FRMD4B: variants seen among roughly 807,000 people sequenced by gnomAD.
The protein encoded by FRMD4B is FERM domain-containing protein 4B.
A neutral mutation model predicts 141.5 loss-of-function variants in FRMD4B; 74 were observed. The observed-to-expected ratio is 0.52, with a 90% CI of 0.43 to 0.63. FRMD4B has a LOEUF of 0.63. Among genes scored for constraint, FRMD4B ranks in the 30% least tolerant of loss-of-function variants. The pLI, the probability that FRMD4B is intolerant of heterozygous loss-of-function variation, is 0.00. For synonymous variants in FRMD4B, 506 were observed against 467.9 expected (o/e 1.08, Z -1.05); for missense variants, 1,366 against 1,253.4 (o/e 1.09, Z -1.36).
chr3:69,206,902 G>C (rs542110005), intron 11 of FRMD4B, among the ~76,000 whole-genome samples: 1 of 152,090 alleles, frequency 6.6e-6, no homozygotes, highest in African/African-American at 2.4e-5. Context: ...GGCACTCTAT[G>C]GTTAGAAATG....
At chr3:69,419,863 G>A (rs908779193) in intron 2 of FRMD4B, among the ~76,000 whole-genome samples, 3 of 152,186 alleles carry the variant, frequency 2.0e-5, no homozygotes, top group Non-Finnish European at 4.4e-5. Flanking sequence ...CAAGGTGTTT[G>A]TTTCTTTGTT....
At chr3:69,478,163 A>G (rs1662591724) in intron 1 of FRMD4B, among the ~76,000 whole-genome samples, 1 of 151,974 alleles carries the variant, frequency 6.6e-6, no homozygotes, top group Non-Finnish European at 1.5e-5. Flanking sequence ...CAGCTCCTGG[A>G]TTTATTGATT....
intron 1 of FRMD4B, among the ~76,000 whole-genome samples, chr3:69,447,171 C>G (rs949549719): frequency 7.9e-5 from 12 of 152,136 alleles, no homozygotes; most frequent in African/African-American, 2.9e-4. Context: ...GTGGTAGTGA[C>G]AGCAAATTTT....
intron 5 of FRMD4B, among the ~76,000 whole-genome samples, chr3:69,281,548 G>C (rs2093644450): frequency 6.6e-6 from 1 of 151,992 alleles, no homozygotes; most frequent in African/African-American, 2.4e-5. Flanking sequence ...TTTGCTTGTT[G>C]GGTGCGGCAG....
chr3:69,500,066 A>C (rs1706466305), intron 1 of FRMD4B, among the ~76,000 whole-genome samples: 1 of 152,220 alleles, frequency 6.6e-6, no homozygotes, highest in African/African-American at 2.4e-5. Flanking sequence ...AGAAGATGAC[A>C]GCCTGGCCAC....
At chr3:69,397,776 G>A (rs2106742214) in intron 2 of FRMD4B, among the ~76,000 whole-genome samples, 1 of 152,212 alleles carries the variant, frequency 6.6e-6, no homozygotes, top group African/African-American at 2.4e-5. Flanking sequence ...CAATGAAAAT[G>A]TTCTAAAATT....
chr3:69,491,939 C>A (rs547892448), intron 1 of FRMD4B, among the ~76,000 whole-genome samples: 1 of 152,332 alleles, frequency 6.6e-6, no homozygotes, highest in South Asian at 2.1e-4. Context: ...GCTCAAACAA[C>A]CGGAGATCAG....
intron 1 of FRMD4B, chr3:69,542,127 A>C (rs1701195921): frequency 1.3e-5 from 2 of 151,086 alleles, no homozygotes; most frequent in Admixed American, 1.3e-4. Context: ...CCCGGGGCGC[A>C]CCGGGCGCGC....
chr3:69,361,634 C>A lies in FRMD4B; in HGVS notation c.162+24194G>T, dbSNP rs1442382218. On this transcript the variant is annotated intron_variant, in intron 1 of 22. Transcript: ENST00000398540. ...TTAATACCTGGCTTCTTTTACTGAG[C>A]AAAATGTTTTTGATATTCATTCATG... Among the ~76,000 whole-genome samples the A allele has an allele frequency of 7.9e-5, 12 of 152,218 alleles. 1 individual carries two copies. Among genetic ancestry groups the A allele is most frequent in the Admixed American group, 7.8e-4 (12 of 15,290 alleles).
chr3:69,196,840 T>A (rs2092911327), intron 13 of FRMD4B, 60 bp downstream of exon 13: 7 of 1,312,626 alleles, frequency 5.3e-6, no homozygotes, highest in Non-Finnish European at 6.4e-6. Flanking sequence ...AGAAGGCTTA[T>A]CTTCTGAACA....
intron 1 of FRMD4B, among the ~76,000 whole-genome samples, chr3:69,375,641 T>C (rs149270612): frequency 6.0e-4 from 63 of 104,498 alleles, no homozygotes; most frequent in Non-Finnish European, 1.0e-3. Context: ...AATGAAAAAA[T>C]TGTATCTTTA....
intron 1 of FRMD4B, among the ~76,000 whole-genome samples, chr3:69,434,611 T>C (rs1705232546): frequency 6.6e-6 from 1 of 152,198 alleles, no homozygotes; most frequent in Non-Finnish European, 1.5e-5. Flanking sequence ...TGGGAATCTA[T>C]TCTACAACTA....
chr3:69,188,765 A>G (rs1455481962), intron 18 of FRMD4B, among the ~76,000 whole-genome samples: 8 of 4,024 alleles, frequency 2.0e-3, no homozygotes, highest in Non-Finnish European at 0.016. Flanking sequence ...CTCCGTCTCA[A>G]AAAAAAAAAA....
chr3:69,447,664 G>C (rs1705430054), intron 1 of FRMD4B, among the ~76,000 whole-genome samples: 1 of 152,170 alleles, frequency 6.6e-6, no homozygotes, highest in South Asian at 2.1e-4. Context: ...TCTCTCCGAA[G>C]AAGTTCCTTT....
At chr3:69,240,324 A>T (rs2093372367) in intron 7 of FRMD4B, among the ~76,000 whole-genome samples, 1 of 151,658 alleles carries the variant, frequency 6.6e-6, no homozygotes, top group South Asian at 2.1e-4. Flanking sequence ...TACTAAAAAT[A>T]CAAAAAATTA....
intron 3 of FRMD4B, chr3:69,306,339 C>T (rs905009524): frequency 2.6e-5 from 4 of 152,196 alleles, no homozygotes; most frequent in Non-Finnish European, 5.9e-5. Flanking sequence ...ATTGCATCAA[C>T]AGAAGGCCCA....
chr3:69,221,801 G>A, intron 9 of FRMD4B, 57 bp downstream of exon 9: 1 of 840,656 alleles, frequency 1.2e-6, no homozygotes, highest in South Asian at 1.4e-5. Context: ...CATTTCAAGT[G>A]ATACCTTCAG....
At chr3:69,276,202 C>A (rs868670629) in intron 5 of FRMD4B, among the ~76,000 whole-genome samples, 9 of 152,270 alleles carry the variant, frequency 5.9e-5, no homozygotes, top group Non-Finnish European at 1.2e-4. Flanking sequence ...TTATAGATAT[C>A]TTTTCCTATT....
At chr3:69,440,292 C>A (rs1272136885) in intron 1 of FRMD4B, among the ~76,000 whole-genome samples, 1 of 152,126 alleles carries the variant, frequency 6.6e-6, no homozygotes, top group Non-Finnish European at 1.5e-5. Flanking sequence ...TGTAACAATA[C>A]CATTTACTTT....
Sources: allele counts gnomAD v4.1 joint callset (sites outside exome capture counted in the v4.1 genomes callset), GRCh38; gene constraint gnomAD v4.1.1; transcripts MANE v1.5; gene names NCBI Gene and HGNC (gene_info 2026-07-23, HGNC 2026-07-21).